STK25: variants seen among roughly 807,000 people sequenced by gnomAD.
STK25 encodes the protein serine/threonine kinase 25.
A neutral mutation model predicts 53.8 loss-of-function variants in STK25; 29 were observed. The ratio of observed to expected loss-of-function variants is 0.54; its 90% CI spans 0.40 to 0.74. The LOEUF is 0.74. Ranked by LOEUF, STK25 falls within the 30% of genes least tolerant of loss-of-function variation. STK25 has a pLI of 0.00. For synonymous variants in STK25, 247 were observed against 238.3 expected (o/e 1.04, Z -0.33); for missense variants, 420 against 568.0 (o/e 0.74, Z 2.65).
In STK25 at chr2:241,496,342, C is replaced by T. The variant is rs1458889630; in HGVS notation, c.1241+56G>A. 7.0e-6 allele frequency: 11 copies of T among 1,578,844 alleles called. No individual in the cohort carries two copies. Among genetic ancestry groups the T allele is most frequent in the Non-Finnish European group, 9.5e-6 (11 of 1,157,398 alleles). ...CGAGTGAGCACTGGACCTCACCCCA[C>T]GTCCAGCTTCTTGGTGGGGGTGCTC... On this transcript the variant is annotated intron_variant, in intron 11 of 11. Coordinates refer to ENST00000316586, the MANE Select transcript of STK25 (RefSeq NM_001271977.2). The surrounding 1 kb of genome is among the most constrained non-coding windows in gnomAD (Gnocchi z 5.8).
chr2:241,494,079 A>G lies in STK25; in HGVS notation c.*1583T>C. 2 of 1,450,560 alleles carry G rather than the reference A, an allele frequency of 1.4e-6. No homozygotes were observed. The highest frequency in any genetic ancestry group is 1.8e-4 in the Middle Eastern group (1 of 5,510). The allele number at this position is 1,450,560 out of a possible 1,614,324, so 89.9% of individuals were successfully genotyped here. On this transcript the variant is annotated 3_prime_UTR_variant, in exon 12 of 12. Transcript: ENST00000316586. The surrounding 1 kb of genome is among the most constrained non-coding windows in gnomAD (Gnocchi z 4.9). ...CCAAGCATCGTGCAGGATGGCCCCC[A>G]ACCCTCCTCAGGGCTGGAGGGGATG...
At chr2:241,503,431 G>A (rs1016452488) in intron 2 of STK25, among the ~76,000 whole-genome samples, 9 of 151,548 alleles carry the variant, frequency 5.9e-5, no homozygotes, top group Admixed American at 5.3e-4. Context: ...AGGCAAAACA[G>A]CCTGGGCGCG....
rs772562575 is a variant in STK25 at position 241,498,991 on chromosome 2, A to T, written c.769T>A (p.Phe257Ile). The T allele has an allele frequency of 3.7e-6, 6 of 1,613,730 alleles. No homozygotes were observed. The South Asian group carries it at 4.4e-5, about 12-fold the overall frequency. The change falls in exon 7 of 12, where the codon TTC (phenylalanine) becomes ATC (isoleucine). Residue 257 changes from phenylalanine to isoleucine, a missense_variant and splice_region_variant. Transcript: ENST00000316586. ...ACCGGGCCAGAGGCGGGCCTTACGA[A>T]TCGGGGGTCTTTGTTGAGGCAGGCC... is the stretch of plus-strand genomic sequence containing the variant. Reference protein sequence around the residue: ...VEACLNKDPRFRPTAKELLKH... With the variant: ...VEACLNKDPRIRPTAKELLKH...
Position 241,497,674 on chromosome 2 carries a change from A to G in STK25, c.1046T>C (p.Val349Ala). ...LHSSQKPAEPVKRQPRSQCLS... is the reference protein window; with the variant it reads ...LHSSQKPAEPAKRQPRSQCLS... ...GCACTGGGACCTCGGCTGCCTCTTG[A>G]CGGGCTCCGCAGGCTGCAAAGGAGT... Residue 349 changes from valine (V) to alanine (A), a missense_variant, in exon 10 of 12, where the codon GTC becomes GCC. Transcript: ENST00000316586. 6.2e-7 allele frequency: 1 copy of G among 1,613,364 alleles called. No individual in the cohort carries two copies. Among genetic ancestry groups the G allele is most frequent in the African/African-American group, 1.3e-5 (1 of 75,036 alleles).
chr2:241,494,190 C>T lies in STK25; in HGVS notation c.*1472G>A. On this transcript the variant is annotated 3_prime_UTR_variant, in exon 12 of 12. Transcript: ENST00000316586. The surrounding 1 kb of genome is among the most constrained non-coding windows in gnomAD (Gnocchi z 4.9). Reference sequence around the variant, plus strand: ...AGCAGGACACAGAGGTGACCTCTGTCCTGAGGCTTCTCAACAGATGGGAAG... The same window carrying T: ...AGCAGGACACAGAGGTGACCTCTGTTCTGAGGCTTCTCAACAGATGGGAAG... 1 of 982,220 alleles carries T rather than the reference C, an allele frequency of 1.0e-6. No individual in the cohort carries two copies. Among genetic ancestry groups the T allele is most frequent in the South Asian group, 2.3e-5 (1 of 43,900 alleles). The allele number at this position is 982,220 out of a possible 1,614,324, so 60.8% of individuals were successfully genotyped here.
At chr2:241,506,328 T>C (rs982773114) in intron 2 of STK25, among the ~76,000 whole-genome samples, 1 of 152,242 alleles carries the variant, frequency 6.6e-6, no homozygotes, top group African/African-American at 2.4e-5. Context: ...AGGAGCTTCC[T>C]ACCTTTGGAA....
intron 2 of STK25, among the ~76,000 whole-genome samples, chr2:241,506,909 C>T (rs2065863921): frequency 6.6e-6 from 1 of 152,228 alleles, no homozygotes; most frequent in African/African-American, 2.4e-5. Flanking sequence ...AAGCCCCAGT[C>T]TCATCTGTGA....
chr2:241,507,697 T>G (rs2125014580), intron 2 of STK25, among the ~76,000 whole-genome samples: 1 of 152,344 alleles, frequency 6.6e-6, no homozygotes, highest in Non-Finnish European at 1.5e-5. Context: ...CGCCCCGCGC[T>G]GGGGGCAGCG....
rs750036910 is a variant in STK25 at position 241,508,024 on chromosome 2, G to A, written c.12C>T (p.Leu4=). The change falls in exon 2 of 12, where the codon CTC becomes CTT. Residue 4 remains leucine (L), a synonymous_variant. Transcript: ENST00000316586. ...TTCTCACCTGGTTGGCAAATCCCCG[G>A]AGGTGAGCCATGGCCGCGCCGCCTC... is the stretch of plus-strand genomic sequence containing the variant. MAH[L]RGFANQHSRV... 13 of 1,605,112 alleles carry A rather than the reference G, an allele frequency of 8.1e-6. No homozygotes were observed. The Admixed American group carries it at 8.5e-5, about 10-fold the overall frequency.
At position 241,508,103 on chromosome 2, in the gene STK25, A is replaced by C. The variant is rs961880326; in HGVS notation, c.-68T>G. The C allele has an allele frequency of 2.4e-4, 370 of 1,548,340 alleles. 1 individual carries two copies. Among genetic ancestry groups the C allele is most frequent in the Non-Finnish European group, 3.0e-4 (345 of 1,148,296 alleles). Reference sequence around the variant, plus strand: ...GTCTGGATCCCGCGGAGAGGCGCGGAGCCGGCTAGCTCGCCCCTGCGGCGT... The same window carrying C: ...GTCTGGATCCCGCGGAGAGGCGCGGCGCCGGCTAGCTCGCCCCTGCGGCGT... On this transcript the variant is annotated 5_prime_UTR_variant, in exon 2 of 12. Coordinates refer to ENST00000316586, the MANE Select transcript of STK25 (RefSeq NM_001271977.2).
intron 1 of STK25, 97 bp downstream of exon 1, chr2:241,508,346 C>T (rs2125018848): frequency 8.6e-7 from 1 of 1,168,910 alleles, no homozygotes; most frequent in East Asian, 4.6e-5. Flanking sequence ...CTCCCGGTGC[C>T]CCCGCCCCGG....
Position 241,501,897 on chromosome 2 carries a change from G to A in STK25, c.31-189C>T. On this transcript the variant is annotated intron_variant, in intron 2 of 11. Coordinates refer to ENST00000316586, the MANE Select transcript of STK25 (RefSeq NM_001271977.2). The surrounding 1 kb of genome is among the most constrained non-coding windows in gnomAD (Gnocchi z 5.3). ...CAAAAACTAAACTTGGCCGGGCGTG[G>A]TGGCTCACGCCTGTAATTCTAGCAC... The A allele has an allele frequency of 3.5e-6, 2 of 564,476 alleles. No individual in the cohort carries two copies. Among genetic ancestry groups the A allele is most frequent in the South Asian group, 2.0e-5 (1 of 49,248 alleles). The allele number at this position is 564,476 out of a possible 1,614,324, so 35.0% of individuals were successfully genotyped here. A position where few individuals can be genotyped will look rare whatever the true frequency, so the allele number is the denominator to read the frequency against.
rs367546205 is a variant in STK25 at position 241,507,842 on chromosome 2, G to A, written c.30+164C>T. The stretch of plus-strand genomic sequence containing the variant: ...CACAGGCACACGGCAGAGCCCCGGG[G>A]CCGCCCTGCGCCCACCTCAGGACGG... On this transcript the variant is annotated intron_variant, in intron 2 of 11. Coordinates refer to ENST00000316586, the MANE Select transcript of STK25 (RefSeq NM_001271977.2). Among the ~76,000 whole-genome samples, 300 of 152,250 alleles carry A rather than the reference G, an allele frequency of 2.0e-3. 2 individuals carry two copies. The highest frequency in any genetic ancestry group is 7.1e-3 in the African/African-American group (293 of 41,552).
intron 2 of STK25, among the ~76,000 whole-genome samples, chr2:241,503,039 C>T (rs1344606715): frequency 6.6e-6 from 1 of 152,154 alleles, no homozygotes; most frequent in Non-Finnish European, 1.5e-5. Context: ...GGGAAGCCAG[C>T]AGAGGTGTGT....
rs2065019819 is a variant in STK25 at position 241,493,712 on chromosome 2, A to G, written c.*1950T>C. The G allele has an allele frequency of 9.5e-6, 5 of 525,034 alleles. No homozygotes were observed. In the East Asian group the frequency reaches 1.3e-4, roughly 13 times the overall value. The allele number at this position is 525,034 out of a possible 1,614,324, so 32.5% of individuals were successfully genotyped here. A position where few individuals can be genotyped will look rare whatever the true frequency, so the allele number is the denominator to read the frequency against. On this transcript the variant is annotated 3_prime_UTR_variant, in exon 12 of 12. Coordinates refer to ENST00000316586, the MANE Select transcript of STK25 (RefSeq NM_001271977.2). ...AGGGTTCAAGCGATTCTTCTGCCTC[A>G]GCCTCCTGAGTAACTGAGATTACAG...
rs1252072101 is a variant in STK25, at chr2:241,493,599, T to G, written c.*2063A>C. 23 of 377,892 alleles carry G rather than the reference T, an allele frequency of 6.1e-5. No individual in the cohort carries two copies. The highest frequency in any genetic ancestry group is 8.6e-5 in the Non-Finnish European group (19 of 222,134). 23.4% of individuals were successfully genotyped at this position (377,892 alleles called of 1,614,324 possible). ...TTTCCAAAAAACAGCAATGCTTTGT[T>G]TTTTTTTTTTTTGGAGATGGCGTCT... On this transcript the variant is annotated 3_prime_UTR_variant, in exon 12 of 12. Coordinates refer to ENST00000316586, the MANE Select transcript of STK25 (RefSeq NM_001271977.2).
chr2:241,496,160 C>G lies in STK25; in HGVS notation c.1241+238G>C, dbSNP rs1021143525. ...CCACTGAGGCCGGGACCCTGAGACA[C>G]TGCCTCAGACCCTTAGACTGGAAAG... is the stretch of plus-strand genomic sequence containing the variant. On this transcript the variant is annotated intron_variant, in intron 11 of 11. Coordinates refer to ENST00000316586, the MANE Select transcript of STK25 (RefSeq NM_001271977.2). The surrounding 1 kb of genome is among the most constrained non-coding windows in gnomAD (Gnocchi z 5.8). 6.6e-6 allele frequency among the ~76,000 whole-genome samples: 1 copy of G among 152,184 alleles called. No individual in the cohort carries two copies. The highest frequency in any genetic ancestry group is 6.5e-5 in the Admixed American group (1 of 15,286).
At position 241,494,203 on chromosome 2, in the gene STK25, A is replaced by C. The variant is rs999024729; in HGVS notation, c.*1459T>G. On this transcript the variant is annotated 3_prime_UTR_variant, in exon 12 of 12. Transcript: ENST00000316586. The surrounding 1 kb of genome is among the most constrained non-coding windows in gnomAD (Gnocchi z 4.9). ...GGTGACCTCTGTCCTGAGGCTTCTCAACAGATGGGAAGTGGCTGTGGTCTC... is the reference window on the plus strand; with the variant it reads ...GGTGACCTCTGTCCTGAGGCTTCTCCACAGATGGGAAGTGGCTGTGGTCTC... The C allele has an allele frequency of 1.7e-5, 14 of 846,734 alleles. No individual in the cohort carries two copies. Among genetic ancestry groups the C allele is most frequent in the Non-Finnish European group, 2.3e-5 (13 of 576,158 alleles). 52.5% of individuals were successfully genotyped at this position (846,734 alleles called of 1,614,324 possible).
At chr2:241,502,228 G>A (rs1415309278) in intron 2 of STK25, among the ~76,000 whole-genome samples, 1 of 151,970 alleles carries the variant, frequency 6.6e-6, no homozygotes, top group African/African-American at 2.4e-5. Flanking sequence ...CCATGCAAGG[G>A]AAAAAGTCCC....
Sources: allele counts gnomAD v4.1 joint callset (sites outside exome capture counted in the v4.1 genomes callset), GRCh38; gene constraint gnomAD v4.1.1; non-coding constraint Gnocchi (gnomAD v3.1); transcripts MANE v1.5; gene names NCBI Gene and HGNC (gene_info 2026-07-23, HGNC 2026-07-21).